The following DLG2 variants were observed in gnomAD, a reference collection of about 807,000 sequenced individuals.
DLG2 encodes discs large MAGUK scaffold protein 2, also known as disks large homolog 2.
Under a neutral mutation model 132.5 loss-of-function variants are expected in DLG2, and 45 were observed. The ratio of observed to expected loss-of-function variants is 0.34; its 90% CI spans 0.27 to 0.44. The LOEUF (loss-of-function observed/expected upper bound fraction) is 0.44, where lower values mean the gene tolerates loss of function less well. DLG2 is among the 20% of genes least tolerant of loss of function. DLG2 has a pLI of 1.00. For synonymous variants in DLG2, 424 were observed against 419.6 expected (o/e 1.01, Z -0.13); for missense variants, 1,045 against 1,196.9 (o/e 0.87, Z 1.87).
intron 3 of DLG2, among the ~76,000 whole-genome samples, chr11:85,525,217 T>C (rs192720117): frequency 8.5e-5 from 13 of 152,328 alleles, no homozygotes; most frequent in African/African-American, 2.6e-4. Context: ...TTTGAAAAAG[T>C]ACAACACAAT....
intron 15 of DLG2, among the ~76,000 whole-genome samples, chr11:83,889,609 G>A (rs1296403646): frequency 6.6e-6 from 1 of 152,122 alleles, no homozygotes; most frequent in Non-Finnish European, 1.5e-5. Context: ...CCATTACTGG[G>A]TATATACCCA....
chr11:83,906,059 C>T (rs1347184972), intron 15 of DLG2, among the ~76,000 whole-genome samples: 3 of 79,678 alleles, frequency 3.8e-5, no homozygotes. Context: ...GTCTGTCTCT[C>T]TCTCTCTCTC....
At position 84,787,939 on chromosome 11, in the gene DLG2, C is replaced by CAAA. The variant is rs35771669; in HGVS notation, c.358-253211_358-253209dup. On this transcript the variant is annotated intron_variant, in intron 6 of 27. Transcript: ENST00000376104. ...TATGGTGAAACCCTGTCTCTACTTACAAAAAAAAAAAAATTAGCTGGGTGT... is the reference window on the plus strand; with the variant it reads ...TATGGTGAAACCCTGTCTCTACTTACAAAAAAAAAAAAAAAATTAGCTGGGTGT... Among the ~76,000 whole-genome samples, 99 of 140,926 alleles carry CAAA rather than the reference C, an allele frequency of 7.0e-4. 4 individuals carry two copies. The highest frequency in any genetic ancestry group is 7.3e-4 in the African/African-American group (28 of 38,188). The allele number at this position is 140,926 out of a possible 152,430, so 92.5% of individuals were successfully genotyped here.
intron 7 of DLG2, among the ~76,000 whole-genome samples, chr11:84,506,286 G>C (rs964329762): frequency 6.0e-5 from 9 of 151,232 alleles, no homozygotes; most frequent in African/African-American, 2.0e-4. Context: ...CGTTTTAGCC[G>C]GGATGGTCTC....
chr11:83,642,375 C>T (rs749575131), intron 18 of DLG2, among the ~76,000 whole-genome samples: 1 of 152,182 alleles, frequency 6.6e-6, no homozygotes, highest in Non-Finnish European at 1.5e-5. Context: ...CTCCTCACCC[C>T]TTCTCTGTTT....
intron 6 of DLG2, among the ~76,000 whole-genome samples, chr11:84,863,464 A>G (rs1199900382): frequency 2.0e-5 from 3 of 152,158 alleles, no homozygotes; most frequent in African/African-American, 7.2e-5. Flanking sequence ...AATGGAAACC[A>G]TCTATATTGA....
intron 3 of DLG2, among the ~76,000 whole-genome samples, chr11:85,465,147 ATT>A (rs561640411): frequency 1.1e-5 from 1 of 89,834 alleles, no homozygotes; most frequent in African/African-American, 3.8e-5. Flanking sequence ...ACAATATAAG[ATT>A]TTTTTTTTTT....
chr11:83,677,859 C>T (rs569291292), intron 18 of DLG2, among the ~76,000 whole-genome samples: 9 of 152,268 alleles, frequency 5.9e-5, no homozygotes, highest in East Asian at 1.9e-4. Flanking sequence ...GTAGTAATGG[C>T]ATAAGGCCAC....
At chr11:83,698,813 C>A (rs1359393458) in intron 18 of DLG2, among the ~76,000 whole-genome samples, 1 of 140,400 alleles carries the variant, frequency 7.1e-6, no homozygotes, top group Non-Finnish European at 1.6e-5. Flanking sequence ...TCCTATGTTA[C>A]CTTCCAGAGT....
intron 17 of DLG2, among the ~76,000 whole-genome samples, chr11:83,815,444 A>G (rs1194902766): frequency 1.3e-5 from 2 of 152,204 alleles, no homozygotes; most frequent in Non-Finnish European, 2.9e-5. Context: ...GATAGTTACC[A>G]TCACGTAACC....
intron 7 of DLG2, among the ~76,000 whole-genome samples, chr11:84,419,168 CAGAG>C (rs10597167): frequency 1.2e-4 from 18 of 150,866 alleles, no homozygotes; most frequent in Admixed American, 7.9e-4. Context: ...GGGAGACAGG[CAGAG>C]AGAGAGAGAG....
At chr11:85,556,580 T>A (rs968551571) in intron 3 of DLG2, among the ~76,000 whole-genome samples, 1 of 151,944 alleles carries the variant, frequency 6.6e-6, no homozygotes, top group East Asian at 1.9e-4. Context: ...TTTCTTCAGA[T>A]AAATAGAGGT....
In DLG2 at chr11:84,076,416, T is replaced by C. The variant is rs78075570; in HGVS notation, c.750-16932A>G. On this transcript the variant is annotated intron_variant, in intron 10 of 27. Coordinates refer to ENST00000376104, the MANE Select transcript of DLG2 (RefSeq NM_001142699.3). ...ATTTACAAAACACTTCAACAATATC[T>C]TCTGTTTCATTGTTAAAATCAAGAC... 5.1e-4 allele frequency among the ~76,000 whole-genome samples: 77 copies of C among 152,306 alleles called. No homozygotes were observed. In the East Asian group the frequency reaches 0.014, roughly 27 times the overall value.
intron 10 of DLG2, among the ~76,000 whole-genome samples, chr11:84,085,596 G>A (rs1021069862): frequency 6.6e-6 from 1 of 152,196 alleles, no homozygotes; most frequent in Admixed American, 6.5e-5. Flanking sequence ...ATCCTGTATA[G>A]GACTCATAGC....
intron 7 of DLG2, among the ~76,000 whole-genome samples, chr11:84,409,625 T>C (rs542988): frequency 0.38 from 57,205 of 152,096 alleles, 13,956 homozygotes; most frequent in African/African-American, 0.7. Context: ...AAACTGATTG[T>C]TTCTCCATTA....
At chr11:84,211,111 T>C (rs1371036214) in intron 8 of DLG2, among the ~76,000 whole-genome samples, 1 of 152,198 alleles carries the variant, frequency 6.6e-6, no homozygotes. Context: ...AACAGAAATA[T>C]ATGACATCTG....
rs556822642 is a variant in DLG2 at position 83,990,483 on chromosome 11, G to T, written c.920-9841C>A. Among the ~76,000 whole-genome samples the T allele has an allele frequency of 3.3e-5, 5 of 152,198 alleles. No individual in the cohort carries two copies. In the South Asian group the frequency reaches 1.0e-3, roughly 32 times the overall value. ...AAGAGAACACCATGAACGGATCGTG[G>T]TTCACTCTTTTCCCTTGCTGCCCGC... is the stretch of plus-strand genomic sequence containing the variant. On this transcript the variant is annotated intron_variant, in intron 11 of 27. Coordinates refer to ENST00000376104, the MANE Select transcript of DLG2 (RefSeq NM_001142699.3).
At chr11:84,490,252 G>T (rs1434330759) in intron 7 of DLG2, among the ~76,000 whole-genome samples, 6 of 152,256 alleles carry the variant, frequency 3.9e-5, no homozygotes, top group Non-Finnish European at 7.4e-5. Context: ...TTACTAAAGT[G>T]CCTAAGACAT....
intron 10 of DLG2, among the ~76,000 whole-genome samples, chr11:84,085,998 A>G (rs973104666): frequency 2.6e-5 from 4 of 152,170 alleles, no homozygotes; most frequent in African/African-American, 9.7e-5. Flanking sequence ...TTTTTATACA[A>G]TGTTGATGTT....
Sources: allele counts gnomAD v4.1 joint callset (sites outside exome capture counted in the v4.1 genomes callset), GRCh38; gene constraint gnomAD v4.1.1; transcripts MANE v1.5; gene names NCBI Gene and HGNC (gene_info 2026-07-23, HGNC 2026-07-21).